COG2: variants seen among roughly 807,000 people sequenced by gnomAD.
COG2 encodes conserved oligomeric Golgi complex subunit 2.
Under a neutral mutation model 90.6 loss-of-function variants are expected in COG2, and 52 were observed. The observed-to-expected ratio is 0.57, with a 90% CI of 0.46 to 0.72. COG2 has a LOEUF of 0.72. Ranked by LOEUF, COG2 falls within the 30% of genes least tolerant of loss-of-function variation. The pLI is 0.00. For missense variants in COG2, 829 were observed against 891.2 expected (o/e 0.93, Z 0.89); for synonymous variants, 337 against 320.4 (o/e 1.05, Z -0.55).
intron 1 of COG2, among the ~76,000 whole-genome samples, chr1:230,653,345 C>T (rs1233130044): frequency 2.6e-5 from 4 of 151,906 alleles, no homozygotes; most frequent in South Asian, 4.2e-4. Flanking sequence ...CTCAGCCTCC[C>T]GAGTAACTGG....
rs1449833019 is a variant in COG2, at chr1:230,683,650, G to C, written c.1228+15G>C. 6.4e-7 allele frequency: 1 copy of C among 1,569,180 alleles called. No homozygotes were observed. The highest frequency in any genetic ancestry group is 8.8e-7 in the Non-Finnish European group (1 of 1,139,664). ...AGATGCCCCAGGTAACTCCCTTAAA[G>C]TGATAAGTGGCATGGTATCCTAAAT... On this transcript the variant is annotated intron_variant, in intron 11 of 17. Transcript: ENST00000366669.
chr1:230,671,437 C>A, intron 7 of COG2, 79 bp from the exon 8 acceptor site: 1 of 1,343,712 alleles, frequency 7.4e-7, no homozygotes, highest in Admixed American at 2.2e-5. Context: ...GTAAAGTTTT[C>A]TTTATTGTTT....
chr1:230,691,312 C>T (rs1663022532), intron 16 of COG2, 72 bp from the exon 17 acceptor site: 3 of 1,355,868 alleles, frequency 2.2e-6, no homozygotes, highest in Non-Finnish European at 3.0e-6. Context: ...TTTTGGTCCA[C>T]AAAGCCAGTT....
At chr1:230,677,426 C>G (rs1253929391) in intron 9 of COG2, among the ~76,000 whole-genome samples, 1 of 152,152 alleles carries the variant, frequency 6.6e-6, no homozygotes, top group Non-Finnish European at 1.5e-5. Context: ...GGAGGTTTAC[C>G]ATTCCAGAAA....
chr1:230,665,830 G>A (rs1406963675), intron 5 of COG2, among the ~76,000 whole-genome samples: 20 of 152,136 alleles, frequency 1.3e-4, no homozygotes, highest in Non-Finnish European at 5.9e-5. Context: ...CCACTCAACA[G>A]CATTGACAGC....
Position 230,688,420 on chromosome 1 carries a change from C to A in COG2, c.1652C>A (p.Ala551Glu). The change falls in exon 15 of 18, where the codon GCA becomes GAA. Residue 551 changes from alanine to glutamate, a missense_variant and splice_region_variant. Transcript: ENST00000366669. Reference protein sequence around the residue: ...IGFKNFSSISAALEDSQSSFS... With the variant: ...IGFKNFSSISEALEDSQSSFS... Reference sequence around the variant, plus strand: ...TAAATCCAGTCTTTAATCTCAACAGCAGCCCTGGAGGACTCCCAGAGCTCT... The same window carrying A: ...TAAATCCAGTCTTTAATCTCAACAGAAGCCCTGGAGGACTCCCAGAGCTCT... 6.2e-7 allele frequency: 1 copy of A among 1,613,664 alleles called. No homozygotes were observed. The highest frequency in any genetic ancestry group is 8.5e-7 in the Non-Finnish European group (1 of 1,179,840).
At chr1:230,673,624 C>T (rs980704924) in intron 8 of COG2, among the ~76,000 whole-genome samples, 2 of 152,080 alleles carry the variant, frequency 1.3e-5, no homozygotes, top group Admixed American at 6.5e-5. Flanking sequence ...GTTTGGAGTC[C>T]TCAATTTTGT....
chr1:230,667,539 C>A (rs1348789965), intron 5 of COG2, among the ~76,000 whole-genome samples: 1 of 152,092 alleles, frequency 6.6e-6, no homozygotes, highest in East Asian at 1.9e-4. Flanking sequence ...AAGGTAAAAC[C>A]AGGGCAATAT....
At chr1:230,654,616 T>C (rs1662005415) in intron 1 of COG2, among the ~76,000 whole-genome samples, 1 of 151,942 alleles carries the variant, frequency 6.6e-6, no homozygotes. Flanking sequence ...GAGAAGACTT[T>C]TTCCAATTCT....
chr1:230,665,698 C>CTG (rs2102754741), intron 5 of COG2, among the ~76,000 whole-genome samples: 2 of 152,258 alleles, frequency 1.3e-5, no homozygotes, highest in African/African-American at 4.8e-5. Context: ...TTTCTTCAGC[C>CTG]TGTAGTACTT....
chr1:230,681,809 T>C (rs1662756008), intron 10 of COG2: 1 of 152,212 alleles, frequency 6.6e-6, no homozygotes, highest in Admixed American at 6.5e-5. Context: ...ACAGCAGAGC[T>C]GTGTGAGGGG....
Position 230,675,055 on chromosome 1 carries a change from A to G in COG2, c.957A>G (p.Gln319=), listed in dbSNP as rs1369603602. The G allele has an allele frequency of 3.1e-6, 5 of 1,613,170 alleles. No individual in the cohort carries two copies. The highest frequency in any genetic ancestry group is 4.2e-6 in the Non-Finnish European group (5 of 1,179,598). Reference sequence around the variant, plus strand: ...TTTTGGTGAATTCTGTTTGGCCACAAATAGTACAAGGATTAGAAGAAAAGT... The same window carrying G: ...TTTTGGTGAATTCTGTTTGGCCACAGATAGTACAAGGATTAGAAGAAAAGT... ...YDFLVNSVWP[Q]IVQGLEEKLP... Residue 319 remains glutamine (Q), a synonymous_variant, in exon 9 of 18, where the codon CAA becomes CAG. Transcript: ENST00000366669.
At chr1:230,646,708 A>G (rs2102739859) in intron 1 of COG2, among the ~76,000 whole-genome samples, 2 of 150,992 alleles carry the variant, frequency 1.3e-5, no homozygotes, top group East Asian at 3.9e-4. Context: ...GATGAAAAAA[A>G]CCAACCTTCT....
chr1:230,653,838 A>T (rs184439920), intron 1 of COG2, among the ~76,000 whole-genome samples: 1 of 152,258 alleles, frequency 6.6e-6, no homozygotes, highest in East Asian at 1.9e-4. Context: ...AGAGCAAGAG[A>T]GGGATGAACT....
intron 9 of COG2, among the ~76,000 whole-genome samples, chr1:230,676,091 T>G (rs946278739): frequency 2.6e-5 from 4 of 152,240 alleles, no homozygotes; most frequent in Non-Finnish European, 5.9e-5. Flanking sequence ...CTTTTCTTCC[T>G]TCTTCTTCCC....
chr1:230,659,682 C>G, intron 2 of COG2, 57 bp downstream of exon 2: 12 of 1,541,010 alleles, frequency 7.8e-6, no homozygotes, highest in Non-Finnish European at 1.1e-5. Flanking sequence ...CTCACTCATA[C>G]TTATTCTTAG....
intron 1 of COG2, among the ~76,000 whole-genome samples, chr1:230,651,563 G>A (rs1661915160): frequency 6.6e-6 from 1 of 152,168 alleles, no homozygotes; most frequent in Non-Finnish European, 1.5e-5. Flanking sequence ...TTATTATCCT[G>A]TATTTGATTT....
chr1:230,664,703 T>G (rs1396671214), intron 5 of COG2, 116 bp downstream of exon 5: 1 of 534,552 alleles, frequency 1.9e-6, no homozygotes, highest in Non-Finnish European at 3.2e-6. Context: ...GGCTTAGTGT[T>G]TTTAAATGTA....
rs776855683 is a variant in COG2, at chr1:230,690,483, T to G, written c.1934+330T>G. On this transcript the variant is annotated intron_variant, in intron 16 of 17. Coordinates refer to ENST00000366669, the MANE Select transcript of COG2 (RefSeq NM_007357.3). ...TTCTTCTGGGAGGCCCTTTCGTTAC[T>G]CAGACCCTGTCAGTCCAAAGTGGCT... is the stretch of plus-strand genomic sequence containing the variant. Among the ~76,000 whole-genome samples, 16 of 152,216 alleles carry G rather than the reference T, an allele frequency of 1.1e-4. 1 individual carries two copies. Among genetic ancestry groups the G allele is most frequent in the Non-Finnish European group, 2.1e-4 (14 of 68,034 alleles).
Sources: gnomAD v4.1 joint callset for allele counts (sites outside exome capture counted in the v4.1 genomes callset) on GRCh38, gnomAD v4.1.1 for gene constraint, MANE v1.5 for transcripts, NCBI Gene and HGNC (gene_info 2026-07-23, HGNC 2026-07-21) for gene names.